ATP9A: variants seen among roughly 807,000 people sequenced by gnomAD.
The protein encoded by ATP9A is probable phospholipid-transporting ATPase IIA.
A neutral mutation model predicts 144.1 loss-of-function variants in ATP9A; 52 were observed. That is an observed-to-expected ratio of 0.36 (90% CI 0.29 to 0.45). The LOEUF (loss-of-function observed/expected upper bound fraction) is 0.45, where lower values mean the gene tolerates loss of function less well. ATP9A is among the 20% of genes least tolerant of loss of function. The probability of loss-of-function intolerance (pLI) is 1.00; values close to 1 mark genes in which losing one functional copy is unlikely to be tolerated. For synonymous variants in ATP9A, 582 were observed against 557.4 expected (o/e 1.04, Z -0.62); for missense variants, 947 against 1,392.7 (o/e 0.68, Z 5.09).
chr20:51,712,938 C>T (rs775714777), intron 4 of ATP9A, 28 bp downstream of exon 4: 1 of 1,576,324 alleles, frequency 6.3e-7, no homozygotes, highest in African/African-American at 1.4e-5. Context: ...GAGCTGCAAC[C>T]CTGTGGCCCA....
At chr20:51,678,269 C>T (rs1157517996) in intron 9 of ATP9A, among the ~76,000 whole-genome samples, 1 of 152,120 alleles carries the variant, frequency 6.6e-6, no homozygotes, top group Non-Finnish European at 1.5e-5. Flanking sequence ...GCAATTTGGT[C>T]TCTGCCAGAA....
At chr20:51,624,667 T>C (rs1336432658) in intron 18 of ATP9A, among the ~76,000 whole-genome samples, 1 of 150,888 alleles carries the variant, frequency 6.6e-6, no homozygotes, top group East Asian at 2.0e-4. Context: ...GTCAGGGGAG[T>C]CATCGGTACA....
At chr20:51,691,200 C>T (rs1038019805) in intron 7 of ATP9A, among the ~76,000 whole-genome samples, 1 of 152,210 alleles carries the variant, frequency 6.6e-6, no homozygotes, top group African/African-American at 2.4e-5. Context: ...GGTGCAGTGG[C>T]TCATGCCTGT....
intron 15 of ATP9A, among the ~76,000 whole-genome samples, chr20:51,630,984 G>T (rs539598240): frequency 6.6e-6 from 1 of 152,064 alleles, no homozygotes; most frequent in East Asian, 1.9e-4. Flanking sequence ...TTTTCCTGCC[G>T]CCCAAAACTA....
intron 1 of ATP9A, among the ~76,000 whole-genome samples, chr20:51,738,409 G>A (rs2077771494): frequency 6.6e-6 from 1 of 152,166 alleles, no homozygotes; most frequent in Admixed American, 6.5e-5. Flanking sequence ...TCCATCGAAA[G>A]TGTATGCCTC....
chr20:51,696,021 T>C, intron 6 of ATP9A, 72 bp downstream of exon 6: 1 of 1,380,098 alleles, frequency 7.2e-7, no homozygotes, highest in Non-Finnish European at 1.0e-6. Flanking sequence ...TGTGACATTT[T>C]CAAATGATTA....
At chr20:51,748,660 AT>A (rs2077818271) in intron 1 of ATP9A, among the ~76,000 whole-genome samples, 1 of 152,246 alleles carries the variant, frequency 6.6e-6, no homozygotes, top group African/African-American at 2.4e-5. Flanking sequence ...CAGGGAGGAC[AT>A]TTTGACGATG....
At chr20:51,625,669 GTTGTCTCAGGGACGGGCACAACCA>G (rs2077245579) in intron 17 of ATP9A, among the ~76,000 whole-genome samples, 1 of 152,150 alleles carries the variant, frequency 6.6e-6, no homozygotes, top group South Asian at 2.1e-4. Flanking sequence ...ACCTCATTGG[GTTGTCTCAGGGACGGGCACAACCA>G]AGATCTCAAA....
chr20:51,644,271 T>C (rs1427710967), intron 14 of ATP9A, among the ~76,000 whole-genome samples: 1 of 130,428 alleles, frequency 7.7e-6, no homozygotes, highest in Non-Finnish European at 1.6e-5. Flanking sequence ...TTCTAGCTTT[T>C]TTTTTTTTTT....
At chr20:51,672,411 C>T (rs1160761101) in intron 11 of ATP9A, among the ~76,000 whole-genome samples, 2 of 152,138 alleles carry the variant, frequency 1.3e-5, no homozygotes, top group Admixed American at 1.3e-4. Flanking sequence ...AGAGTCGACT[C>T]ACCAATTTTT....
At chr20:51,699,455 T>G (rs565552170) in intron 4 of ATP9A, among the ~76,000 whole-genome samples, 1 of 152,176 alleles carries the variant, frequency 6.6e-6, no homozygotes, top group Non-Finnish European at 1.5e-5. Context: ...TATCATTTAT[T>G]TTTTAAGTAT....
chr20:51,718,646 C>A (rs912404253), intron 3 of ATP9A, among the ~76,000 whole-genome samples: 2 of 150,288 alleles, frequency 1.3e-5, no homozygotes, highest in Non-Finnish European at 1.5e-5. Flanking sequence ...GGTGAAACCC[C>A]ATCTCTAAAA....
chr20:51,731,984 G>A (rs576618665), intron 1 of ATP9A, among the ~76,000 whole-genome samples: 10 of 152,182 alleles, frequency 6.6e-5, no homozygotes, highest in African/African-American at 1.7e-4. Context: ...CTCAGAGCTC[G>A]ATATAACCTG....
At chr20:51,701,327 T>C (rs1156502322) in intron 4 of ATP9A, among the ~76,000 whole-genome samples, 1 of 152,234 alleles carries the variant, frequency 6.6e-6, no homozygotes, top group Non-Finnish European at 1.5e-5. Flanking sequence ...GGGCTTTCTC[T>C]GGCACATATA....
chr20:51,686,110 G>T (rs532367752), intron 9 of ATP9A, among the ~76,000 whole-genome samples: 1 of 152,046 alleles, frequency 6.6e-6, no homozygotes, highest in Non-Finnish European at 1.5e-5. Flanking sequence ...GCAAACTATC[G>T]CAAGGACGGA....
chr20:51,653,036 G>A (rs1290053145), intron 14 of ATP9A, among the ~76,000 whole-genome samples: 1 of 151,544 alleles, frequency 6.6e-6, no homozygotes. Context: ...TGTGAACCCG[G>A]GAGGCAGAGC....
chr20:51,619,084 G>C (rs766861657), intron 19 of ATP9A, 41 bp from the exon 20 acceptor site: 1 of 1,555,110 alleles, frequency 6.4e-7, no homozygotes, highest in Non-Finnish European at 8.9e-7. Flanking sequence ...ATTGCTCTCC[G>C]GACATGATAG....
chr20:51,625,111 TC>T, intron 18 of ATP9A, 80 bp downstream of exon 18: 1 of 1,412,110 alleles, frequency 7.1e-7, no homozygotes, highest in South Asian at 1.3e-5. Context: ...TCCCACCCTT[TC>T]CCCCTGTGAT....
chr20:51,688,920 T>C (rs1355886469), intron 9 of ATP9A, 144 bp downstream of exon 9: 13 of 928,272 alleles, frequency 1.4e-5, no homozygotes, highest in Non-Finnish European at 1.7e-5. Context: ...GATGTCAGTT[T>C]AATTCCCTGG....
Sources: gnomAD v4.1 joint callset for allele counts (sites outside exome capture counted in the v4.1 genomes callset) on GRCh38, gnomAD v4.1.1 for gene constraint, MANE v1.5 for transcripts, NCBI Gene and HGNC (gene_info 2026-07-23, HGNC 2026-07-21) for gene names.